Variants in TRPM2 observed in about 807,000 individuals in gnomAD.
TRPM2 encodes transient receptor potential cation channel subfamily M member 2, also known as estrogen-responsive element-associated gene 1 protein.
A neutral mutation model predicts 174.0 loss-of-function variants in TRPM2; 161 were observed. The ratio of observed to expected loss-of-function variants is 0.93; its 90% confidence interval spans 0.81 to 1.05. The LOEUF (loss-of-function observed/expected upper bound fraction) is 1.05. Among genes scored for constraint, TRPM2 ranks in the 50% least tolerant of loss-of-function variants. The pLI, the probability that TRPM2 is intolerant of heterozygous loss-of-function variation, is 0.00. For synonymous variants in TRPM2, 954 were observed against 861.3 expected, an observed-to-expected ratio of 1.11 and a Z score of -1.88; for missense variants, 2,057 against 2,038.0, an observed-to-expected ratio of 1.01 and a Z score of -0.18.
intron 22 of TRPM2, among the ~76,000 whole-genome samples, chr21:44,421,332 T>G (rs191870396): frequency 6.6e-6 from 1 of 151,796 alleles, no homozygotes; most frequent in African/African-American, 2.4e-5. Flanking sequence ...AAAAAAAAAT[T>G]TAGTCCCAAA....
At chr21:44,355,865 C>T (rs549115965) in intron 2 of TRPM2, among the ~76,000 whole-genome samples, 2 of 151,106 alleles carry the variant, frequency 1.3e-5, no homozygotes, top group African/African-American at 2.4e-5. Flanking sequence ...CGGACACCCA[C>T]GGACACCAAA....
At position 44,440,441 on chromosome 21, in the gene TRPM2, C is replaced by T. The variant is rs536616510; in HGVS notation, c.4270-348C>T. On this transcript the variant is annotated intron_variant, in intron 30 of 31. Transcript: ENST00000397928. ...ACCCCCAGCTCCTCCCCAGCACTCC[C>T]GCATCTGCTTCCCATCTCCTTGGAT... Among the ~76,000 whole-genome samples the T allele has an allele frequency of 9.2e-5, 14 of 152,272 alleles. No individual in the cohort carries two copies. In the East Asian group the frequency reaches 1.2e-3, roughly 13 times the overall value.
chr21:44,400,448 C>T (rs1362092990), intron 15 of TRPM2, 77 bp downstream of exon 15: 116 of 1,223,464 alleles, frequency 9.5e-5, no homozygotes, highest in Middle Eastern at 2.3e-4. Context: ...TCAGGATCTT[C>T]CCTAGATCCC....
chr21:44,369,082 G>T (rs1162986911), intron 4 of TRPM2, 95 bp from the exon 5 acceptor site: 8 of 1,300,764 alleles, frequency 6.2e-6, no homozygotes, highest in Non-Finnish European at 8.3e-6. Context: ...TGGGGGCGGG[G>T]CATCGCTGAG....
chr21:44,381,174 C>T (rs1309922543), intron 8 of TRPM2, among the ~76,000 whole-genome samples: 1 of 151,904 alleles, frequency 6.6e-6, no homozygotes, highest in Non-Finnish European at 1.5e-5. Context: ...TATGTGGAGG[C>T]AATGGGGCCA....
intron 8 of TRPM2, among the ~76,000 whole-genome samples, chr21:44,382,217 TG>T (rs2048903394): frequency 6.6e-6 from 1 of 151,952 alleles, no homozygotes; most frequent in African/African-American, 2.4e-5. Flanking sequence ...CACACATGGA[TG>T]GATAGATAGA....
intron 16 of TRPM2, among the ~76,000 whole-genome samples, chr21:44,404,696 T>G (rs1231752586): frequency 1.3e-5 from 2 of 151,892 alleles, no homozygotes; most frequent in East Asian, 3.9e-4. Context: ...GTGATGATGA[T>G]AGTGGATAGT....
rs1289285914 is a variant in TRPM2 at position 44,430,578 on chromosome 21, C to T, written c.3974+3467C>T. Among the ~76,000 whole-genome samples, 11 of 50,552 alleles carry T rather than the reference C, an allele frequency of 2.2e-4. 5 individuals are homozygous for T. Among genetic ancestry groups the T allele is most frequent in the Admixed American group, 1.1e-3 (6 of 5,272 alleles). 33.2% of individuals were successfully genotyped at this position (50,552 alleles called of 152,430 possible). On this transcript the variant is annotated intron_variant, in intron 27 of 31. Coordinates refer to ENST00000397928, the MANE Select transcript of TRPM2 (RefSeq NM_003307.4). ...CCGAGTAGCTGGGACTACAGGCGCC[C>T]GCCACCGCGCCCGGCTAATTTTTTG...
rs768964259 is a variant in TRPM2, at chr21:44,406,709, G to A, written c.2906G>A (p.Gly969Glu). The change falls in exon 19 of 32, where the codon GGG becomes GAG. Residue 969 changes from glycine (G) to glutamate (E), a missense_variant. By Grantham distance (98) the Gly-to-Glu change is moderately conservative. Coordinates refer to ENST00000397928, the MANE Select transcript of TRPM2 (RefSeq NM_003307.4). The part of the protein sequence containing the change: ...NERRVDWLFR[G>E]AVYHSYLTIF... ...CGCCGGGTGGACTGGCTGTTCCGAGGGGCCGTCTACCACTCCTACCTCACC... is the reference window on the plus strand; with the variant it reads ...CGCCGGGTGGACTGGCTGTTCCGAGAGGCCGTCTACCACTCCTACCTCACC... The A allele has an allele frequency of 1.9e-6, 3 of 1,608,892 alleles. No individual in the cohort carries two copies. Among genetic ancestry groups the A allele is most frequent in the Admixed American group, 1.7e-5 (1 of 59,416 alleles).
chr21:44,388,062 C>G (rs927864042), intron 9 of TRPM2, among the ~76,000 whole-genome samples: 1 of 152,266 alleles, frequency 6.6e-6, no homozygotes, highest in Middle Eastern at 3.4e-3. Context: ...CCACTCCCCA[C>G]CCCCAAATTT....
intron 27 of TRPM2, among the ~76,000 whole-genome samples, chr21:44,434,128 G>A (rs2051136940): frequency 6.6e-6 from 1 of 152,176 alleles, no homozygotes; most frequent in Non-Finnish European, 1.5e-5. Context: ...GGGAGAGGAG[G>A]CCATGAGGGG....
At chr21:44,428,042 G>C (rs953981933) in intron 27 of TRPM2, among the ~76,000 whole-genome samples, 1 of 152,170 alleles carries the variant, frequency 6.6e-6, no homozygotes, top group African/African-American at 2.4e-5. Context: ...ACACAGGCAG[G>C]TGTGTCAGGA....
rs145005045 is a variant in TRPM2, at chr21:44,406,408, T to C, written c.2791-186T>C. Among the ~76,000 whole-genome samples the C allele has an allele frequency of 4.5e-3, 680 of 152,244 alleles. 8 individuals carry two copies. Among genetic ancestry groups the C allele is most frequent in the African/African-American group, 0.014 (595 of 41,546 alleles). The stretch of plus-strand genomic sequence containing the variant: ...TGACCCCTCTTGCACTTTGTGGTGC[T>C]AGCACAAAGATGTCGGCAGTCCACG... On this transcript the variant is annotated intron_variant, in intron 18 of 31. Coordinates refer to ENST00000397928, the MANE Select transcript of TRPM2 (RefSeq NM_003307.4).
chr21:44,357,464 A>T (rs2048091131), intron 2 of TRPM2, among the ~76,000 whole-genome samples: 1 of 152,204 alleles, frequency 6.6e-6, no homozygotes, highest in African/African-American at 2.4e-5. Context: ...GGCCTACGTG[A>T]TGGGCTTGGC....
rs117884583 is a variant in TRPM2, at chr21:44,374,378, G to A, written c.772-1455G>A. 1.1e-3 allele frequency among the ~76,000 whole-genome samples: 169 copies of A among 152,324 alleles called. 4 individuals are homozygous for A. The East Asian group carries it at 0.03, about 27-fold the overall frequency. On this transcript the variant is annotated intron_variant, in intron 5 of 31. Transcript: ENST00000397928. ...CACCAGGAACTGGTTTCGTGGAAGA[G>A]AGTTTTTCCACAGATGGGGGCGGGG...
At chr21:44,357,670 C>T (rs11702292) in intron 2 of TRPM2, among the ~76,000 whole-genome samples, 38,585 of 152,090 alleles carry the variant, frequency 0.25, 5,422 homozygotes, top group African/African-American at 0.39. Context: ...CCACCCAAAT[C>T]CCAGACTCCC....
Position 44,354,809 on chromosome 21 carries a change from CA to C in TRPM2, c.254+75del. The C allele has an allele frequency of 1.4e-6, 2 of 1,382,760 alleles. No homozygotes were observed. 85.7% of individuals were successfully genotyped at this position (1,382,760 alleles called of 1,614,324 possible). A position where few individuals can be genotyped will look rare whatever the true frequency, so the allele number is the denominator to read the frequency against. ...TCCCACATGGAGTAGCTGATCAGGC[CA>C]AGACCCCTCAGGGCCTCAGTGAAGG... On this transcript the variant is annotated intron_variant, in intron 2 of 31. Transcript: ENST00000397928. The surrounding 1 kb of genome is among the most constrained non-coding windows in gnomAD (Gnocchi z 4.3).
chr21:44,405,898 C>A lies in TRPM2; in HGVS notation c.2658-7C>A, dbSNP rs181210502. On this transcript the variant is annotated splice_region_variant and splice_polypyrimidine_tract_variant and intron_variant, in intron 17 of 31. Coordinates refer to ENST00000397928, the MANE Select transcript of TRPM2 (RefSeq NM_003307.4). ...CTGAGATGTGTGTGCTTCTGCCCGG[C>A]GGCCAGGCTCATCCCGGCGACGCTG... The A allele has an allele frequency of 2.0e-5, 32 of 1,600,108 alleles. No homozygotes were observed. In the Admixed American group the frequency reaches 4.4e-4, roughly 22 times the overall value.
At chr21:44,436,047 A>G (rs116447575) in intron 28 of TRPM2, among the ~76,000 whole-genome samples, 6,772 of 145,622 alleles carry the variant, frequency 0.047, 308 homozygotes, top group African/African-American at 0.12. Context: ...ACAGCCCCAC[A>G]CTCAACCCCC....
Sources: gnomAD v4.1 joint callset for allele counts (sites outside exome capture counted in the v4.1 genomes callset) on GRCh38, gnomAD v4.1.1 for gene constraint, Gnocchi (gnomAD v3.1) non-coding constraint, MANE v1.5 for transcripts, NCBI Gene and HGNC (gene_info 2026-07-23, HGNC 2026-07-21) for gene names.